PCDH15: variants seen among roughly 807,000 people sequenced by gnomAD.
The protein encoded by PCDH15 is protocadherin-15.
In PCDH15, 129 loss-of-function variants were observed where a neutral mutation model predicts 178.5. The ratio of observed to expected loss-of-function variants is 0.72; its 90% CI spans 0.63 to 0.84. The LOEUF (loss-of-function observed/expected upper bound fraction) is 0.84, where lower values mean the gene tolerates loss of function less well. Ranked by LOEUF, PCDH15 falls within the 40% of genes least tolerant of loss-of-function variation. The pLI, the probability that PCDH15 is intolerant of heterozygous loss-of-function variation, is 0.00. For missense variants in PCDH15, 2,230 were observed against 2,099.9 expected, an observed-to-expected ratio of 1.06 and a Z score of -1.21; for synonymous variants, 800 against 732.0, an observed-to-expected ratio of 1.09 and a Z score of -1.50.
chr10:54,421,822 A>AGTGTG (rs1554963565), intron 3 of PCDH15, among the ~76,000 whole-genome samples: 1 of 75,476 alleles, frequency 1.3e-5, no homozygotes, highest in African/African-American at 5.8e-5. Flanking sequence ...GTGTGTATAT[A>AGTGTG]TATATATATA....
intron 1 of PCDH15, among the ~76,000 whole-genome samples, chr10:55,168,265 G>T (rs1839246254): frequency 6.6e-6 from 1 of 152,038 alleles, no homozygotes; most frequent in Non-Finnish European, 1.5e-5. Flanking sequence ...TGGCCCCTTG[G>T]TAGCATATGA....
intron 2 of PCDH15, among the ~76,000 whole-genome samples, chr10:55,047,518 A>G (rs1841041944): frequency 6.6e-6 from 1 of 151,888 alleles, no homozygotes; most frequent in Non-Finnish European, 1.5e-5. Flanking sequence ...AAGAACTCAT[A>G]GCTAACTGGA....
In PCDH15 at chr10:54,824,144, T is replaced by C. The variant is rs73252090; in HGVS notation, c.-29+73306A>G. Among the ~76,000 whole-genome samples, 562 of 152,230 alleles carry C rather than the reference T, an allele frequency of 3.7e-3. 1 individual carries two copies. The highest frequency in any genetic ancestry group is 0.013 in the African/African-American group (540 of 41,576). On this transcript the variant is annotated intron_variant, in intron 3 of 5. Coordinates refer to the PCDH15 transcript ENST00000458638. Reference sequence around the variant, plus strand: ...CTCTCATAAAACTCAAGAGATTTTATTTCCTTTCTTTAGCTCTCTCACTAC... The same window carrying C: ...CTCTCATAAAACTCAAGAGATTTTACTTCCTTTCTTTAGCTCTCTCACTAC...
At chr10:55,001,323 T>C (rs1262624557) in intron 2 of PCDH15, among the ~76,000 whole-genome samples, 1 of 152,156 alleles carries the variant, frequency 6.6e-6, no homozygotes, top group Admixed American at 6.5e-5. Context: ...ACATGCTGAA[T>C]GGTGGGACTA....
chr10:55,262,698 T>G (rs772357291), intron 1 of PCDH15, among the ~76,000 whole-genome samples: 4 of 152,110 alleles, frequency 2.6e-5, no homozygotes, highest in Non-Finnish European at 5.9e-5. Flanking sequence ...GGCTTCCCAA[T>G]CTGCTGAGAG....
In PCDH15 at chr10:54,812,273, C is replaced by CTT. The variant is rs529215060; in HGVS notation, c.-29+85175_-29+85176dup. On this transcript the variant is annotated intron_variant, in intron 3 of 5. Coordinates refer to the PCDH15 transcript ENST00000458638. ...TTGCCACCTTCTTCTCTTCCTCTTC[C>CTT]TTTTTTTTTTTTTTTTTGAGACAGT... 3.2e-3 allele frequency among the ~76,000 whole-genome samples: 430 copies of CTT among 134,746 alleles called. 3 individuals are homozygous for CTT. Among genetic ancestry groups the CTT allele is most frequent in the African/African-American group, 6.4e-3 (231 of 36,356 alleles). 88.4% of individuals were successfully genotyped at this position (134,746 alleles called of 152,430 possible).
intron 2 of PCDH15, among the ~76,000 whole-genome samples, chr10:55,563,473 T>C (rs1198407697): frequency 6.6e-6 from 1 of 151,204 alleles, no homozygotes; most frequent in East Asian, 2.0e-4. Flanking sequence ...TGCAACAATA[T>C]AAACAAAATA....
At chr10:54,123,330 A>G (rs1311939170) in intron 15 of PCDH15, among the ~76,000 whole-genome samples, 1 of 152,158 alleles carries the variant, frequency 6.6e-6, no homozygotes, top group African/African-American at 2.4e-5. Context: ...ACAAGCAAAA[A>G]CAAAAAATTC....
chr10:54,891,501 T>C (rs1469058642), intron 3 of PCDH15, among the ~76,000 whole-genome samples: 2 of 152,092 alleles, frequency 1.3e-5, no homozygotes, highest in Non-Finnish European at 2.9e-5. Context: ...CTACAACATT[T>C]GTGAGAAGAA....
intron 20 of PCDH15, among the ~76,000 whole-genome samples, chr10:54,012,793 G>GA (rs1481009094): frequency 4.3e-4 from 65 of 152,128 alleles, no homozygotes; most frequent in African/African-American, 1.4e-3. Context: ...CTCCTGAAAG[G>GA]AGTGCTACAT....
At chr10:54,627,093 G>A (rs1171263906) in intron 2 of PCDH15, among the ~76,000 whole-genome samples, 1 of 152,146 alleles carries the variant, frequency 6.6e-6, no homozygotes, top group East Asian at 1.9e-4. Flanking sequence ...CCCAACGACT[G>A]TATCTGCATT....
At chr10:54,704,040 C>T (rs2095341061) in intron 1 of PCDH15, among the ~76,000 whole-genome samples, 1 of 152,110 alleles carries the variant, frequency 6.6e-6, no homozygotes, top group South Asian at 2.1e-4. Flanking sequence ...GCTGGGGTAA[C>T]TGGCTAGCCA....
chr10:54,595,410 C>G (rs1378720918), intron 2 of PCDH15, among the ~76,000 whole-genome samples: 1 of 152,030 alleles, frequency 6.6e-6, no homozygotes, highest in Non-Finnish European at 1.5e-5. Context: ...ATAATCAAAC[C>G]CTCAAGGTCA....
chr10:55,334,242 A>ATATATATATATATATATATATATATG (rs1291195941), intron 2 of PCDH15, among the ~76,000 whole-genome samples: 12 of 72,136 alleles, frequency 1.7e-4, no homozygotes, highest in African/African-American at 2.9e-4. Context: ...ATATATATAT[A>ATATATATATATATATATATATATATG]TGTGTGTGTG....
intron 7 of PCDH15, among the ~76,000 whole-genome samples, chr10:54,320,712 T>TA (rs2061549365): frequency 6.6e-6 from 1 of 152,024 alleles, no homozygotes; most frequent in Admixed American, 6.6e-5. Flanking sequence ...TCAGTCAGCA[T>TA]ATCCTGAGTA....
intron 3 of PCDH15, among the ~76,000 whole-genome samples, chr10:54,525,540 TC>T (rs1430286969): frequency 6.6e-6 from 1 of 152,128 alleles, no homozygotes; most frequent in Admixed American, 6.6e-5. Context: ...CAACCTCCCC[TC>T]CTGGCCTCCC....
At chr10:55,348,662 G>A (rs1900483) in intron 2 of PCDH15, among the ~76,000 whole-genome samples, 38,074 of 152,064 alleles carry the variant, frequency 0.25, 5,844 homozygotes, top group Admixed American at 0.35. Flanking sequence ...CTTAAATGAA[G>A]AGAAGGAAAA....
chr10:54,189,975 C>T (rs1338647928), intron 11 of PCDH15, among the ~76,000 whole-genome samples: 1 of 143,296 alleles, frequency 7.0e-6, no homozygotes, highest in East Asian at 2.1e-4. Context: ...GGGTATATGT[C>T]TACATCTATA....
At chr10:54,205,681 C>T (rs929275628) in intron 10 of PCDH15, among the ~76,000 whole-genome samples, 10 of 151,968 alleles carry the variant, frequency 6.6e-5, no homozygotes, top group Admixed American at 6.6e-4. Flanking sequence ...CCCATTGATT[C>T]TTGACCCTAC....
Sources: gnomAD v4.1 joint callset for allele counts (sites outside exome capture counted in the v4.1 genomes callset) on GRCh38, gnomAD v4.1.1 for gene constraint, MANE v1.5 for transcripts, NCBI Gene and HGNC (gene_info 2026-07-23, HGNC 2026-07-21) for gene names.